The following ABCC4 variants were observed in gnomAD, a reference collection of about 807,000 sequenced individuals.
ABCC4 encodes ATP binding cassette subfamily C member 4 (PEL blood group), also known as ATP-binding cassette sub-family C member 4.
Under a neutral mutation model 168.5 loss-of-function variants are expected in ABCC4, and 102 were observed. That is an observed-to-expected ratio of 0.61 (90% CI 0.52 to 0.71). The LOEUF (loss-of-function observed/expected upper bound fraction) is 0.71. ABCC4 is among the 30% of genes least tolerant of loss of function. ABCC4 has a pLI of 0.00. For synonymous variants in ABCC4, 617 were observed against 590.7 expected, an observed-to-expected ratio of 1.04 and a Z score of -0.65; for missense variants, 1,402 against 1,605.8, an observed-to-expected ratio of 0.87 and a Z score of 2.17.
chr13:95,081,505 C>T (rs1489144278), intron 21 of ABCC4, among the ~76,000 whole-genome samples: 2 of 152,218 alleles, frequency 1.3e-5, no homozygotes, highest in Admixed American at 6.5e-5. Context: ...AGCAATTATA[C>T]TCTACCTTCC....
At chr13:95,067,134 T>C (rs138355660) in intron 25 of ABCC4, among the ~76,000 whole-genome samples, 180 of 152,150 alleles carry the variant, frequency 1.2e-3, no homozygotes, top group African/African-American at 4.1e-3. Flanking sequence ...CCATCAGTAG[T>C]GAACGGAACT....
At chr13:95,162,057 C>G (rs1483424074) in intron 18 of ABCC4, among the ~76,000 whole-genome samples, 1 of 152,148 alleles carries the variant, frequency 6.6e-6, no homozygotes, top group Non-Finnish European at 1.5e-5. Flanking sequence ...ATGCTAAATA[C>G]AGTGGGGGTA....
At chr13:95,236,622 T>A (rs61972725) in intron 3 of ABCC4, among the ~76,000 whole-genome samples, 8,474 of 147,536 alleles carry the variant, frequency 0.057, 294 homozygotes, top group East Asian at 0.099. Context: ...ACACACACAC[T>A]CTCTCTCACA....
chr13:95,091,799 A>C (rs1202894916), intron 20 of ABCC4, among the ~76,000 whole-genome samples: 1 of 152,202 alleles, frequency 6.6e-6, no homozygotes, highest in Non-Finnish European at 1.5e-5. Context: ...AGCGCGATGA[A>C]TACAACAGTA....
intron 20 of ABCC4, among the ~76,000 whole-genome samples, chr13:95,109,843 A>G (rs1004539265): frequency 3.0e-4 from 45 of 152,172 alleles, no homozygotes; most frequent in African/African-American, 9.9e-4. Flanking sequence ...ACTTAGCCCC[A>G]TATCTCCAAG....
At chr13:95,077,217 T>C (rs2033936121) in intron 21 of ABCC4, among the ~76,000 whole-genome samples, 1 of 152,240 alleles carries the variant, frequency 6.6e-6, no homozygotes, top group Non-Finnish European at 1.5e-5. Flanking sequence ...TTAGCATTCT[T>C]TTCTGAGATA....
intron 7 of ABCC4, among the ~76,000 whole-genome samples, chr13:95,207,058 CAG>C (rs2038803816): frequency 1.3e-5 from 2 of 152,172 alleles, no homozygotes; most frequent in African/African-American, 2.4e-5. Flanking sequence ...TTTTTTGAGA[CAG>C]AGTTTCACTC....
At chr13:95,281,299 C>CAAAAAAAAAAAAAAAAAAA in intron 1 of ABCC4, among the ~76,000 whole-genome samples, 1 of 48,708 alleles carries the variant, frequency 2.1e-5, no homozygotes, top group Non-Finnish European at 3.6e-5. Flanking sequence ...GAGACTCTCT[C>CAAAAAAAAAAAAAAAAAAA]AAAAAAAAAA....
Position 95,207,900 on chromosome 13 carries a change from C to T in ABCC4, c.811G>A (p.Ala271Thr), listed in dbSNP as rs1224377001. Residue 271 changes from alanine (A) to threonine (T), a missense_variant, in exon 7 of 31, where the codon GCC (alanine) becomes ACC (threonine). Ala to Thr is a moderately conservative substitution (Grantham distance 58). This residue lies in a region of ABCC4 where 317 missense variants were observed against 345.5 expected (regional missense o/e 0.92). Transcript: ENST00000645237. Reference sequence around the variant, plus strand: ...ACTTCATTCATGGTCCTGATCCTGGCATCCGTGAAAGTTGCAGTTTTACTC... The same window carrying T: ...ACTTCATTCATGGTCCTGATCCTGGTATCCGTGAAAGTTGCAGTTTTACTC... ...LRSKTATFTDARIRTMNEVIT... is the reference protein window; with the variant it reads ...LRSKTATFTDTRIRTMNEVIT... 1.2e-6 allele frequency: 2 copies of T among 1,613,842 alleles called. No individual in the cohort carries two copies. The highest frequency in any genetic ancestry group is 1.7e-5 in the Admixed American group (1 of 59,886).
intron 20 of ABCC4, among the ~76,000 whole-genome samples, chr13:95,089,483 T>TGG (rs2034362108): frequency 2.6e-5 from 4 of 152,086 alleles, no homozygotes; most frequent in African/African-American, 9.7e-5. Flanking sequence ...CTAGGCGTGG[T>TGG]CACGGGCACC....
intron 30 of ABCC4, among the ~76,000 whole-genome samples, chr13:95,022,043 G>A (rs11618517): frequency 0.1 from 15,282 of 152,252 alleles, 995 homozygotes; most frequent in Admixed American, 0.16. Context: ...GTCTGCATGA[G>A]GGTTTCTCAT....
Position 95,166,199 on chromosome 13 carries a change from A to G in ABCC4, c.1993T>C (p.Ser665Pro), listed in dbSNP as rs372080728. 1.2e-6 allele frequency: 2 copies of G among 1,614,008 alleles called. No homozygotes were observed. Among genetic ancestry groups the G allele is most frequent in the African/African-American group, 1.3e-5 (1 of 74,906 alleles). Reference protein sequence around the residue: ...SESSVWSQQSSRPSLKDGALE... With the variant: ...SESSVWSQQSPRPSLKDGALE... ...GCACCATCTTTCAAGGAGGGTCTAGAAGATTGTTGAGACCAAACCGAAGAC... is the reference window on the plus strand; with the variant it reads ...GCACCATCTTTCAAGGAGGGTCTAGGAGATTGTTGAGACCAAACCGAAGAC... Residue 665 changes from serine (S) to proline (P), a missense_variant, in exon 15 of 31, where the codon TCT becomes CCT. Transcript: ENST00000645237.
chr13:95,214,668 T>A (rs1035040195), intron 4 of ABCC4, among the ~76,000 whole-genome samples: 1 of 151,900 alleles, frequency 6.6e-6, no homozygotes, highest in Non-Finnish European at 1.5e-5. Context: ...GGCAGATCAC[T>A]CGAGCCCAGG....
chr13:95,296,024 T>C (rs560485275), intron 1 of ABCC4, among the ~76,000 whole-genome samples: 232 of 150,686 alleles, frequency 1.5e-3, no homozygotes, highest in African/African-American at 5.5e-3. Flanking sequence ...GCTCAGCTAC[T>C]TGGGAGGCTG....
chr13:95,148,140 A>G (rs1240277255), intron 19 of ABCC4, among the ~76,000 whole-genome samples: 1 of 152,186 alleles, frequency 6.6e-6, no homozygotes, highest in Non-Finnish European at 1.5e-5. Flanking sequence ...AAATTTCATC[A>G]TCTCAATTAG....
chr13:95,172,939 G>A (rs1457449299), intron 13 of ABCC4, among the ~76,000 whole-genome samples: 1 of 152,192 alleles, frequency 6.6e-6, no homozygotes, highest in Non-Finnish European at 1.5e-5. Flanking sequence ...AAGGGATGGA[G>A]GGAGGGAGAG....
intron 8 of ABCC4, among the ~76,000 whole-genome samples, chr13:95,201,788 C>T (rs746202819): frequency 1.3e-5 from 2 of 152,120 alleles, no homozygotes; most frequent in Admixed American, 6.5e-5. Context: ...GCCTGGCCAA[C>T]GTGGTGAAAC....
intron 1 of ABCC4, among the ~76,000 whole-genome samples, chr13:95,254,360 T>C (rs1186230889): frequency 6.6e-6 from 1 of 152,006 alleles, no homozygotes; most frequent in South Asian, 2.1e-4. Context: ...GTCATAATTT[T>C]GCTTAAAAAA....
chr13:95,112,280 G>T (rs1196281616), intron 20 of ABCC4, among the ~76,000 whole-genome samples: 2 of 151,866 alleles, frequency 1.3e-5, no homozygotes, highest in South Asian at 2.1e-4. Flanking sequence ...TTGAACCTGG[G>T]GGGCAAAGGT....
Sources: gnomAD v4.1 joint callset for allele counts (sites outside exome capture counted in the v4.1 genomes callset) on GRCh38, gnomAD v4.1.1 for gene constraint, gnomAD v4.1.1 regional missense constraint, MANE v1.5 for transcripts, NCBI Gene and HGNC (gene_info 2026-07-23, HGNC 2026-07-21) for gene names.